The following HIP1 variants were observed in gnomAD, a reference collection of about 807,000 sequenced individuals.
The protein encoded by HIP1 is huntingtin interacting protein 1, also known as huntingtin-interacting protein 1.
Under a neutral mutation model 147.6 loss-of-function variants are expected in HIP1, and 65 were observed. That is an observed-to-expected ratio of 0.44 (90% CI 0.36 to 0.54). HIP1 has a LOEUF of 0.54. Ranked by LOEUF, HIP1 falls within the 20% of genes least tolerant of loss-of-function variation. The pLI is 0.00. For missense variants in HIP1, 1,061 were observed against 1,299.6 expected (o/e 0.82, Z 2.82); for synonymous variants, 479 against 504.0 (o/e 0.95, Z 0.67).
At chr7:75,602,431 G>A (rs1554503149) in intron 1 of HIP1, among the ~76,000 whole-genome samples, 1 of 146,318 alleles carries the variant, frequency 6.8e-6, no homozygotes, top group Non-Finnish European at 1.5e-5. Flanking sequence ...CTCTCAAGTA[G>A]CTGGGACTAT....
At chr7:75,608,586 A>G (rs191948260) in intron 1 of HIP1, among the ~76,000 whole-genome samples, 66 of 152,328 alleles carry the variant, frequency 4.3e-4, no homozygotes, top group African/African-American at 1.5e-3. Context: ...ATTTAGAGAA[A>G]TATCAGTATT....
At chr7:75,715,969 C>T (rs574956971) in intron 1 of HIP1, among the ~76,000 whole-genome samples, 260 of 151,958 alleles carry the variant, frequency 1.7e-3, no homozygotes, top group Non-Finnish European at 3.1e-3. Context: ...GAGCCAGGCT[C>T]TTTTAAACAA....
intron 1 of HIP1, among the ~76,000 whole-genome samples, chr7:75,665,139 A>G (rs545261454): frequency 7.3e-4 from 111 of 152,156 alleles, no homozygotes; most frequent in African/African-American, 2.6e-3. Context: ...GTGCACACAT[A>G]TAGTCCCAGC....
chr7:75,618,133 G>A (rs897727318), intron 1 of HIP1, among the ~76,000 whole-genome samples: 30 of 152,048 alleles, frequency 2.0e-4, no homozygotes, highest in Non-Finnish European at 4.1e-4. Context: ...CCACCCTCTC[G>A]TTGCCCCAGC....
intron 1 of HIP1, among the ~76,000 whole-genome samples, chr7:75,615,414 G>T (rs1341330959): frequency 6.6e-6 from 1 of 152,006 alleles, no homozygotes; most frequent in East Asian, 1.9e-4. Context: ...TTTAGCTGGG[G>T]ATGGTGGTAT....
intron 1 of HIP1, among the ~76,000 whole-genome samples, chr7:75,616,292 C>T (rs973622609): frequency 3.6e-4 from 55 of 151,976 alleles, no homozygotes; most frequent in Non-Finnish European, 5.1e-4. Flanking sequence ...TGTTTAGGGA[C>T]AGAGTCTTGC....
rs1297854175 is a variant in HIP1, at chr7:75,533,918, CAG to C, written c.*4252_*4253del. On this transcript the variant is annotated 3_prime_UTR_variant, in exon 31 of 31. Transcript: ENST00000336926. ...TGCAGTCTCTGGAGGACAAGGATGGCAGAGAGAGGGCAAAGCCAGTTTGCTTG... is the reference window on the plus strand; with the variant it reads ...TGCAGTCTCTGGAGGACAAGGATGGCAGAGAGGGCAAAGCCAGTTTGCTTG... 8.6e-6 allele frequency: 2 copies of C among 233,206 alleles called. No individual in the cohort carries two copies. The highest frequency in any genetic ancestry group is 1.8e-4 in the South Asian group (1 of 5,530). The allele number at this position is 233,206 out of a possible 1,614,324, so 14.4% of individuals were successfully genotyped here.
At chr7:75,575,782 C>G (rs1172367904) in intron 7 of HIP1, among the ~76,000 whole-genome samples, 1 of 152,082 alleles carries the variant, frequency 6.6e-6, no homozygotes, top group Admixed American at 6.6e-5. Context: ...AGACTCTGCA[C>G]GCGGCGGGCA....
Position 75,555,469 on chromosome 7 carries a change from T to C in HIP1, c.1910A>G (p.Asp637Gly), listed in dbSNP as rs1794962941. 5 of 1,614,152 alleles carry C rather than the reference T, an allele frequency of 3.1e-6. No homozygotes were observed. The highest frequency in any genetic ancestry group is 1.7e-4 in the Middle Eastern group (1 of 6,034). Residue 637 changes from aspartate to glycine, a missense_variant, in exon 19 of 31, where the codon GAC becomes GGC. Coordinates refer to ENST00000336926, the MANE Select transcript of HIP1 (RefSeq NM_005338.7). ...AGGTTCTTCAAGCTGGTTCAGGGCG[T>C]CTTGTATCACCTGCTCCGCAGCCTT... ...SRKAAEQVIQ[D>G]ALNQLEEPPL...
chr7:75,631,422 C>A, intron 1 of HIP1, among the ~76,000 whole-genome samples: 1 of 152,172 alleles, frequency 6.6e-6, no homozygotes, highest in Admixed American at 6.6e-5. Context: ...ACCTTAGCCT[C>A]TGTGATTCCA....
chr7:75,690,966 C>A (rs1554518084), intron 1 of HIP1, among the ~76,000 whole-genome samples: 3 of 152,098 alleles, frequency 2.0e-5, no homozygotes, highest in African/African-American at 7.2e-5. Flanking sequence ...AATACTTGTA[C>A]AGGAATGTTC....
At chr7:75,737,274 T>TG (rs1177262114) in intron 1 of HIP1, among the ~76,000 whole-genome samples, 3 of 151,858 alleles carry the variant, frequency 2.0e-5, no homozygotes, top group African/African-American at 7.3e-5. Flanking sequence ...GTTGCCCAGG[T>TG]GGGGGGCCAA....
chr7:75,651,041 T>A (rs1172223974), intron 1 of HIP1, among the ~76,000 whole-genome samples: 1 of 152,050 alleles, frequency 6.6e-6, no homozygotes, highest in East Asian at 1.9e-4. Context: ...TCCCGCACAT[T>A]TCTTTTTGAG....
At chr7:75,658,170 T>G (rs749652741) in intron 1 of HIP1, among the ~76,000 whole-genome samples, 1 of 152,198 alleles carries the variant, frequency 6.6e-6, no homozygotes, top group African/African-American at 2.4e-5. Flanking sequence ...CTCGTCTCAC[T>G]GCAGCCTTCA....
At chr7:75,730,000 G>C (rs1554522815) in intron 1 of HIP1, among the ~76,000 whole-genome samples, 1 of 152,028 alleles carries the variant, frequency 6.6e-6, no homozygotes, top group African/African-American at 2.4e-5. Context: ...AAGGAGGGAG[G>C]GCTCAGAACT....
intron 1 of HIP1, among the ~76,000 whole-genome samples, chr7:75,603,568 C>T (rs1797095212): frequency 2.0e-5 from 3 of 152,076 alleles, no homozygotes; most frequent in African/African-American, 4.8e-5. Context: ...CTCCTGAGCA[C>T]AGTCGTTGGC....
At chr7:75,563,136 A>G in intron 10 of HIP1, 52 bp downstream of exon 10, 1 of 1,614,062 alleles carries the variant, frequency 6.2e-7, no homozygotes, top group Non-Finnish European at 8.5e-7. Flanking sequence ...GGCCCTTAAG[A>G]GAGTACCTGG....
intron 8 of HIP1, among the ~76,000 whole-genome samples, chr7:75,573,081 C>T (rs904432358): frequency 3.9e-5 from 6 of 152,204 alleles, no homozygotes; most frequent in African/African-American, 9.6e-5. Context: ...TCCCACAGAC[C>T]GGAGTGGGAA....
chr7:75,648,765 C>G lies in HIP1; in HGVS notation c.121-49518G>C, dbSNP rs532700991. On this transcript the variant is annotated intron_variant, in intron 1 of 30. Transcript: ENST00000336926. ...TGGGAAGGAAGGCGGCACAGAGACA[C>G]CCTGCCCAGAGAGCAGACCCTGGGA... is the stretch of plus-strand genomic sequence containing the variant. Among the ~76,000 whole-genome samples the G allele has an allele frequency of 8.5e-5, 13 of 152,176 alleles. 1 individual carries two copies. Among genetic ancestry groups the G allele is most frequent in the African/African-American group, 2.9e-4 (12 of 41,520 alleles).
Sources: allele counts gnomAD v4.1 joint callset (sites outside exome capture counted in the v4.1 genomes callset), GRCh38; gene constraint gnomAD v4.1.1; transcripts MANE v1.5; gene names NCBI Gene and HGNC (gene_info 2026-07-23, HGNC 2026-07-21).